SEC24B: variants seen among roughly 807,000 people sequenced by gnomAD.
SEC24B encodes protein transport protein Sec24B.
Under a neutral mutation model 142.8 loss-of-function variants are expected in SEC24B, and 45 were observed. That is an observed-to-expected ratio of 0.32 (90% confidence interval 0.25 to 0.40). SEC24B has a LOEUF of 0.40. SEC24B is among the 10% of genes least tolerant of loss of function. The probability of loss-of-function intolerance (pLI) is 1.00; values close to 1 mark genes in which losing one functional copy is unlikely to be tolerated. For missense variants in SEC24B, 1,409 were observed against 1,526.8 expected (o/e 0.92, Z 1.29); for synonymous variants, 574 against 568.2 (o/e 1.01, Z -0.15).
At chr4:109,435,439 A>G (rs1578734421) in intron 1 of SEC24B, among the ~76,000 whole-genome samples, 1 of 152,234 alleles carries the variant, frequency 6.6e-6, no homozygotes, top group East Asian at 1.9e-4. Flanking sequence ...AATTTAGTAA[A>G]AGAGCCCAAG....
chr4:109,442,313 T>C (rs1209237363), intron 1 of SEC24B, among the ~76,000 whole-genome samples: 2 of 152,210 alleles, frequency 1.3e-5, no homozygotes, highest in South Asian at 4.2e-4. Flanking sequence ...GCTAGCATGG[T>C]GGGGTAAAGC....
chr4:109,453,796 C>T (rs1024142759), intron 1 of SEC24B, among the ~76,000 whole-genome samples: 1 of 152,130 alleles, frequency 6.6e-6, no homozygotes, highest in African/African-American at 2.4e-5. Context: ...TGATAAATGT[C>T]TATGAGATCT....
intron 4 of SEC24B, among the ~76,000 whole-genome samples, chr4:109,482,977 T>TATATATAC (rs1733910237): frequency 2.1e-5 from 1 of 47,478 alleles, no homozygotes; most frequent in Non-Finnish European, 3.9e-5. Context: ...TATATATATA[T>TATATATAC]ATACACACAC....
Position 109,463,240 on chromosome 4 carries a change from A to C in SEC24B, c.473A>C (p.His158Pro), listed in dbSNP as rs781175458. The C allele has an allele frequency of 1.1e-5, 18 of 1,613,942 alleles. No individual in the cohort carries two copies. Among genetic ancestry groups the C allele is most frequent in the Non-Finnish European group, 1.4e-5 (17 of 1,180,004 alleles). The change falls in exon 2 of 24, where the codon CAC becomes CCC. Residue 158 changes from histidine (H) to proline (P), a missense_variant. His to Pro is a moderately conservative substitution (Grantham distance 77, BLOSUM62 -2). Transcript: ENST00000265175. Reference sequence around the variant, plus strand: ...CAACCATACTCCTCTTTTGTGAATCACTACAATAGTCCAGCCATGTACTCT... The same window carrying C: ...CAACCATACTCCTCTTTTGTGAATCCCTACAATAGTCCAGCCATGTACTCT... ...ASQPYSSFVN[H>P]YNSPAMYSAS... is the part of the protein sequence containing the mutation.
At position 109,463,397 on chromosome 4, in the gene SEC24B, G is replaced by A; in HGVS notation, c.630G>A (p.Met210Ile). The A allele has an allele frequency of 1.2e-6, 2 of 1,614,192 alleles. No individual in the cohort carries two copies. Among genetic ancestry groups the A allele is most frequent in the Non-Finnish European group, 1.7e-6 (2 of 1,180,038 alleles). The change falls in exon 2 of 24, where the codon ATG (methionine) becomes ATA (isoleucine). Residue 210 changes from methionine to isoleucine, a missense_variant. Met to Ile is a conservative substitution (Grantham distance 10). This residue lies in a region of SEC24B where 709 missense variants were observed against 673.5 expected (regional missense o/e 1.05). Coordinates refer to ENST00000265175, the MANE Select transcript of SEC24B (RefSeq NM_006323.5). The stretch of plus-strand genomic sequence containing the variant: ...CTGCTGGTGATACATATGGGCAAAT[G>A]TTTACCTCACAGAATGCTCCGACTG... ...SLPAGDTYGQ[M>I]FTSQNAPTVR... is the part of the protein sequence containing the mutation.
rs542880437 is a variant in SEC24B, at chr4:109,491,344, A to G, written c.1183A>G (p.Thr395Ala). The part of the protein sequence containing the change: ...DEEAGVDSSS[T>A]TSSASPMPNS... ...CCTTTTAGGTGTTGACAGCTCTTCT[A>G]CCACAAGCAGTGCTTCTCCAATGCC... The change falls in exon 5 of 24, where the codon ACC becomes GCC. Residue 395 changes from threonine to alanine, a missense_variant. Physicochemically the swap from Thr to Ala is moderately conservative, Grantham distance 58 (BLOSUM62 0). Transcript: ENST00000265175. The G allele has an allele frequency of 1.8e-5, 29 of 1,613,422 alleles. No individual in the cohort carries two copies. The highest frequency in any genetic ancestry group is 1.8e-4 in the South Asian group (16 of 90,982).
intron 1 of SEC24B, among the ~76,000 whole-genome samples, chr4:109,436,732 C>T (rs1728441980): frequency 6.6e-6 from 1 of 152,172 alleles, no homozygotes; most frequent in Non-Finnish European, 1.5e-5. Flanking sequence ...GAGTCCCCAC[C>T]CATCATCCCC....
At chr4:109,446,011 G>A (rs908288322) in intron 1 of SEC24B, among the ~76,000 whole-genome samples, 4 of 147,792 alleles carry the variant, frequency 2.7e-5, no homozygotes, top group African/African-American at 1.0e-4. Context: ...AAATTGGGGT[G>A]CATTTTAGAA....
At chr4:109,511,313 T>C (rs1737301014) in intron 8 of SEC24B, among the ~76,000 whole-genome samples, 1 of 152,062 alleles carries the variant, frequency 6.6e-6, no homozygotes, top group South Asian at 2.1e-4. Context: ...ATGTGGTTAC[T>C]TGCATAATAA....
rs1217432581 is a variant in SEC24B, at chr4:109,494,687, C to G, written c.1319C>G (p.Ala440Gly). The part of the protein sequence containing the change: ...APEPDPASAP[A>G]PASAPAPVVP... ...GAACCTGATCCTGCTTCTGCTCCAG[C>G]TCCAGCTTCAGCTCCAGCTCCTGTC... is the stretch of plus-strand genomic sequence containing the variant. Residue 440 changes from alanine (A) to glycine (G), a missense_variant, in exon 6 of 24, where the codon GCT (alanine) becomes GGT (glycine). Coordinates refer to ENST00000265175, the MANE Select transcript of SEC24B (RefSeq NM_006323.5). 6.2e-7 allele frequency: 1 copy of G among 1,613,872 alleles called. No homozygotes were observed.
chr4:109,471,362 C>G (rs1732506681), intron 2 of SEC24B, among the ~76,000 whole-genome samples: 1 of 152,116 alleles, frequency 6.6e-6, no homozygotes, highest in Non-Finnish European at 1.5e-5. Flanking sequence ...CCAGGCTGGT[C>G]TCAAACTCCT....
At chr4:109,501,971 G>C (rs1262417756) in intron 6 of SEC24B, among the ~76,000 whole-genome samples, 6 of 152,160 alleles carry the variant, frequency 3.9e-5, no homozygotes, top group Non-Finnish European at 5.9e-5. Context: ...TTAATTTCAG[G>C]TAGTTACAAG....
At chr4:109,506,156 A>G (rs576657405) in intron 6 of SEC24B, among the ~76,000 whole-genome samples, 172 bp from the exon 7 acceptor site, 1 of 152,246 alleles carries the variant, frequency 6.6e-6, no homozygotes, top group Non-Finnish European at 1.5e-5. Context: ...AAATTTATTC[A>G]GTACTTTTGC....
At chr4:109,472,059 A>G (rs1333792383) in intron 2 of SEC24B, among the ~76,000 whole-genome samples, 1 of 152,186 alleles carries the variant, frequency 6.6e-6, no homozygotes, top group Non-Finnish European at 1.5e-5. Flanking sequence ...CCCATTCCTC[A>G]TATGTGCTTA....
chr4:109,526,179 G>A (rs372030339), intron 16 of SEC24B, 47 bp from the exon 17 acceptor site: 213 of 1,550,070 alleles, frequency 1.4e-4, no homozygotes, highest in Non-Finnish European at 1.8e-4. Context: ...AGCTTGAGGT[G>A]AAGATACTAT....
At chr4:109,440,742 G>A (rs553111421) in intron 1 of SEC24B, among the ~76,000 whole-genome samples, 1 of 152,294 alleles carries the variant, frequency 6.6e-6, no homozygotes, top group African/African-American at 2.4e-5. Flanking sequence ...TTCTTCAGGT[G>A]GCAGAAACCA....
rs183718756 is a variant in SEC24B, at chr4:109,462,519, G to A, written c.134-382G>A. The stretch of plus-strand genomic sequence containing the variant: ...TGGCCAGAGAGTTAAGTTCCTCCTT[G>A]CATGGGCTTCTTCATAGGGCTGTTC... On this transcript the variant is annotated intron_variant, in intron 1 of 23. Transcript: ENST00000265175. 5.5e-4 allele frequency among the ~76,000 whole-genome samples: 84 copies of A among 152,306 alleles called. 1 individual carries two copies. The East Asian group carries it at 0.011, about 20-fold the overall frequency.
intron 5 of SEC24B, 49 bp downstream of exon 5, chr4:109,491,456 A>G (rs1406679807): frequency 1.5e-5 from 21 of 1,368,726 alleles, no homozygotes; most frequent in Non-Finnish European, 2.1e-5. Context: ...GTTATTGACC[A>G]TCAGTTGCCT....
At position 109,532,619 on chromosome 4, in the gene SEC24B, TTC is replaced by T. The variant is rs1725050846; in HGVS notation, c.3391-14_3391-13del. 1.9e-6 allele frequency: 3 copies of T among 1,586,118 alleles called. No homozygotes were observed. The highest frequency in any genetic ancestry group is 2.6e-6 in the Non-Finnish European group (3 of 1,155,006). On this transcript the variant is annotated intron_variant, in intron 20 of 23. Transcript: ENST00000265175. ...TGATAGTAATGTAATCTCATTCACATTCTCTCTTTTTCTTTTCAGGGTGCAGT... is the reference window on the plus strand; with the variant it reads ...TGATAGTAATGTAATCTCATTCACATTCTCTTTTTCTTTTCAGGGTGCAGT...
Sources: allele counts gnomAD v4.1 joint callset (sites outside exome capture counted in the v4.1 genomes callset), GRCh38; gene constraint gnomAD v4.1.1; regional missense constraint gnomAD v4.1.1; transcripts MANE v1.5; gene names NCBI Gene and HGNC (gene_info 2026-07-23, HGNC 2026-07-21).